The following SCN11A variants were observed in gnomAD, a reference collection of about 807,000 sequenced individuals.
The protein encoded by SCN11A is sodium channel protein type 11 subunit alpha.
A neutral mutation model predicts 162.2 loss-of-function variants in SCN11A; 122 were observed. The ratio of observed to expected loss-of-function variants is 0.75; its 90% CI spans 0.65 to 0.87. The LOEUF (loss-of-function observed/expected upper bound fraction) is 0.87. SCN11A is among the 40% of genes least tolerant of loss of function. The probability of loss-of-function intolerance (pLI) is 0.00; values close to 1 mark genes in which losing one functional copy is unlikely to be tolerated. For missense variants in SCN11A, 2,015 were observed against 2,181.6 expected (o/e 0.92, Z 1.52); for synonymous variants, 758 against 751.5 (o/e 1.01, Z -0.14).
intron 2 of SCN11A, among the ~76,000 whole-genome samples, chr3:38,969,029 C>T (rs2066800829): frequency 6.6e-6 from 1 of 152,174 alleles, no homozygotes; most frequent in African/African-American, 2.4e-5. Flanking sequence ...CCCCTACCTA[C>T]CATATTTGAG....
At position 38,871,547 on chromosome 3, in the gene SCN11A, G is replaced by C; in HGVS notation, c.3657C>G (p.Ile1219Met). The change falls in exon 25 of 30, where the codon ATC becomes ATG. Residue 1219 changes from isoleucine (I) to methionine (M), a missense_variant. By Grantham distance (10) the Ile-to-Met change is conservative. Coordinates refer to ENST00000302328, the MANE Select transcript of SCN11A (RefSeq NM_001349253.2). Reference sequence around the variant, plus strand: ...TTTCACATTGACTTTTATTTGTAATGATGGTATAATTTATAACTGAGTCTG... The same window carrying C: ...TTTCACATTGACTTTTATTTGTAATCATGGTATAATTTATAACTGAGTCTG... ...NGTDSVINYTIITNKSQCESG... is the reference protein window; with the variant it reads ...NGTDSVINYTMITNKSQCESG... The C allele has an allele frequency of 6.2e-7, 1 of 1,612,350 alleles. No homozygotes were observed. Among genetic ancestry groups the C allele is most frequent in the South Asian group, 1.1e-5 (1 of 90,876 alleles).
Position 38,994,429 on chromosome 3 carries a change from T to C in SCN11A, c.-279-34006A>G, listed in dbSNP as rs556600332. ...TTTCTAGGGTACTTATATAAAACTG[T>C]TTCCAAGACTCTTGGCCACTTTCCC... On this transcript the variant is annotated intron_variant, in intron 2 of 29. Coordinates refer to ENST00000302328, the MANE Select transcript of SCN11A (RefSeq NM_001349253.2). Among the ~76,000 whole-genome samples the C allele has an allele frequency of 2.0e-5, 3 of 152,320 alleles. No individual in the cohort carries two copies. In the East Asian group the frequency reaches 5.8e-4, roughly 29 times the overall value.
At chr3:38,850,866 G>T in intron 28 of SCN11A, 115 bp from the exon 29 acceptor site, 2 of 808,640 alleles carry the variant, frequency 2.5e-6, no homozygotes, top group Non-Finnish European at 3.7e-6. Context: ...GCAGTTCCTT[G>T]AAAAATACAC....
intron 20 of SCN11A, among the ~76,000 whole-genome samples, 187 bp downstream of exon 20, chr3:38,885,938 T>G (rs2065390170): frequency 6.6e-6 from 1 of 152,238 alleles, no homozygotes; most frequent in Non-Finnish European, 1.5e-5. Flanking sequence ...AAGCTCACCA[T>G]GACAAATAAT....
chr3:38,953,604 G>C (rs914733305), intron 4 of SCN11A, among the ~76,000 whole-genome samples, 25 bp downstream of exon 4: 2 of 152,154 alleles, frequency 1.3e-5, no homozygotes, highest in Non-Finnish European at 2.9e-5. Context: ...AATGGGAAGA[G>C]AGAGACTTGA....
chr3:38,906,779 T>C (rs182466493), intron 14 of SCN11A, among the ~76,000 whole-genome samples: 2 of 152,264 alleles, frequency 1.3e-5, no homozygotes, highest in East Asian at 3.9e-4. Context: ...ATATAAACCT[T>C]TCAATGCTCT....
chr3:38,961,505 T>C (rs1222760436), intron 2 of SCN11A, among the ~76,000 whole-genome samples: 1 of 152,210 alleles, frequency 6.6e-6, no homozygotes, highest in Non-Finnish European at 1.5e-5. Context: ...CTTGGGTTTT[T>C]GAAGCAGGAA....
intron 3 of SCN11A, among the ~76,000 whole-genome samples, chr3:38,954,362 A>G (rs1019820856): frequency 9.2e-5 from 14 of 152,348 alleles, no homozygotes; most frequent in African/African-American, 3.1e-4. Context: ...ATGCTAGTCA[A>G]TCCTGTAAAA....
At chr3:38,967,104 A>G (rs1173164944) in intron 2 of SCN11A, among the ~76,000 whole-genome samples, 1 of 152,182 alleles carries the variant, frequency 6.6e-6, no homozygotes, top group Non-Finnish European at 1.5e-5. Context: ...ATGTACTTGA[A>G]TATTAGGAGG....
chr3:38,919,685 G>A (rs1407918461), intron 11 of SCN11A, among the ~76,000 whole-genome samples: 1 of 152,176 alleles, frequency 6.6e-6, no homozygotes, highest in East Asian at 1.9e-4. Flanking sequence ...CCATAAAGTT[G>A]AAATATCACT....
At chr3:38,991,355 G>A (rs367975929) in intron 2 of SCN11A, among the ~76,000 whole-genome samples, 1 of 152,136 alleles carries the variant, frequency 6.6e-6, no homozygotes, top group East Asian at 1.9e-4. Flanking sequence ...GAGGGAGCTG[G>A]GGACCTGCCC....
At position 39,036,789 on chromosome 3, in the gene SCN11A, C is replaced by G. The variant is rs560579057; in HGVS notation, c.-403-4286G>C. ...AATGCAGATCAAAACTATATTATCTCACCCCAGTTAAAATGGCTTTTATCC... is the reference window on the plus strand; with the variant it reads ...AATGCAGATCAAAACTATATTATCTGACCCCAGTTAAAATGGCTTTTATCC... On this transcript the variant is annotated intron_variant, in intron 1 of 29. Coordinates refer to ENST00000302328, the MANE Select transcript of SCN11A (RefSeq NM_001349253.2). Among the ~76,000 whole-genome samples, 6 of 152,314 alleles carry G rather than the reference C, an allele frequency of 3.9e-5. No individual in the cohort carries two copies. In the East Asian group the frequency reaches 1.2e-3, roughly 29 times the overall value.
intron 16 of SCN11A, 36 bp downstream of exon 16, chr3:38,903,828 GA>G (rs1448350205): frequency 7.0e-7 from 1 of 1,420,818 alleles, no homozygotes. Context: ...TTTAAAGTAT[GA>G]AATATGTTTT....
At chr3:38,941,937 C>T (rs1438544162) in intron 7 of SCN11A, among the ~76,000 whole-genome samples, 1 of 151,888 alleles carries the variant, frequency 6.6e-6, no homozygotes, top group African/African-American at 2.4e-5. Flanking sequence ...AAAGCAAAAA[C>T]CAACTATATG....
intron 3 of SCN11A, among the ~76,000 whole-genome samples, chr3:38,956,347 T>C (rs994160762): frequency 2.0e-5 from 3 of 152,210 alleles, no homozygotes; most frequent in African/African-American, 4.8e-5. Context: ...AAATTTTATG[T>C]AACAAAAAAT....
chr3:38,935,357 G>A (rs2066313257), intron 7 of SCN11A, among the ~76,000 whole-genome samples: 2 of 151,880 alleles, frequency 1.3e-5, no homozygotes, highest in Admixed American at 6.6e-5. Flanking sequence ...GCTAGCAGAA[G>A]GCAAGAAATA....
chr3:38,864,120 G>C (rs1175139020), intron 27 of SCN11A, among the ~76,000 whole-genome samples: 3 of 152,100 alleles, frequency 2.0e-5, no homozygotes, highest in Admixed American at 6.6e-5. Flanking sequence ...CTATCCAAAG[G>C]TGGCCAACAG....
At chr3:38,917,008 C>T (rs2065970486) in intron 11 of SCN11A, among the ~76,000 whole-genome samples, 1 of 152,130 alleles carries the variant, frequency 6.6e-6, no homozygotes, top group South Asian at 2.1e-4. Flanking sequence ...CATATTGTAC[C>T]TAGACTGAGA....
chr3:39,000,087 A>G lies in SCN11A; in HGVS notation c.-280+32293T>C, dbSNP rs779025516. Among the ~76,000 whole-genome samples the G allele has an allele frequency of 3.9e-5, 6 of 152,344 alleles. No individual in the cohort carries two copies. The East Asian group carries it at 7.7e-4, about 20-fold the overall frequency. ...CCTGAAGCTAGAATACTGAAAAGAT[A>G]AAGTAACACAAATATCTGCTTTGTA... On this transcript the variant is annotated intron_variant, in intron 2 of 29. Coordinates refer to ENST00000302328, the MANE Select transcript of SCN11A (RefSeq NM_001349253.2).
Sources: gnomAD v4.1 joint callset for allele counts (sites outside exome capture counted in the v4.1 genomes callset) on GRCh38, gnomAD v4.1.1 for gene constraint, MANE v1.5 for transcripts, NCBI Gene and HGNC (gene_info 2026-07-23, HGNC 2026-07-21) for gene names.